C6orf52: variants seen among roughly 807,000 people sequenced by gnomAD.
C6orf52 encodes the protein putative uncharacterized protein C6orf52.
C6orf52 carries 16 observed loss-of-function variants against 16.6 expected under a neutral mutation model. That is an observed-to-expected ratio of 0.96 (90% CI 0.65 to 1.46). The LOEUF (loss-of-function observed/expected upper bound fraction) is 1.46, where lower values mean the gene tolerates loss of function less well. Among genes scored for constraint, C6orf52 ranks in the 40% most tolerant of loss-of-function variants. C6orf52 has a pLI of 0.00. For missense variants in C6orf52, 166 were observed against 182.3 expected, an observed-to-expected ratio of 0.91 and a Z score of 0.52; for synonymous variants, 53 against 61.4, an observed-to-expected ratio of 0.86 and a Z score of 0.64.
intron 3 of C6orf52, among the ~76,000 whole-genome samples, chr6:10,684,220 AC>A (rs1340211032): frequency 3.3e-5 from 5 of 152,192 alleles, no homozygotes; most frequent in Non-Finnish European, 1.5e-5. Flanking sequence ...GAGCAGGAGG[AC>A]CACTTGAACC....
intron 4 of C6orf52, chr6:10,674,810 AT>A (rs1187713282): frequency 0.066 from 9,130 of 138,870 alleles, 474 homozygotes; most frequent in African/African-American, 0.16. Flanking sequence ...TATACAATAC[AT>A]TTTTTTTTTT....
At chr6:10,687,217 A>C in intron 2 of C6orf52, 53 bp from the exon 3 acceptor site, 2 of 1,305,310 alleles carry the variant, frequency 1.5e-6, no homozygotes, top group Non-Finnish European at 2.1e-6. Flanking sequence ...CAAACCCCCA[A>C]ACCCTTTCTT....
At chr6:10,680,510 C>CA (rs1307202624) in intron 4 of C6orf52, among the ~76,000 whole-genome samples, 1 of 152,100 alleles carries the variant, frequency 6.6e-6, no homozygotes, top group Non-Finnish European at 1.5e-5. Context: ...GTTGTGATAT[C>CA]AGAGTAATGC....
intron 1 of C6orf52, among the ~76,000 whole-genome samples, chr6:10,690,461 AAC>A (rs1358594595): frequency 1.3e-5 from 2 of 152,204 alleles, no homozygotes; most frequent in South Asian, 2.1e-4. Context: ...CCTTGAATTT[AAC>A]AGAGTTGCTG....
intron 1 of C6orf52, among the ~76,000 whole-genome samples, chr6:10,690,481 C>T (rs1400981389): frequency 6.6e-6 from 1 of 152,146 alleles, no homozygotes; most frequent in Non-Finnish European, 1.5e-5. Flanking sequence ...CTGCCTGTCA[C>T]ATTGAGAAAG....
At chr6:10,691,303 A>C (rs1769278496) in intron 1 of C6orf52, among the ~76,000 whole-genome samples, 1 of 152,168 alleles carries the variant, frequency 6.6e-6, no homozygotes, top group South Asian at 2.1e-4. Context: ...CACGTCTCCA[A>C]CAACCAAGCT....
chr6:10,691,625 G>A (rs1027498066), intron 1 of C6orf52, among the ~76,000 whole-genome samples: 2 of 151,916 alleles, frequency 1.3e-5, no homozygotes, highest in African/African-American at 2.4e-5. Flanking sequence ...GCAGAAATTG[G>A]GCATAAGACA....
intron 4 of C6orf52, among the ~76,000 whole-genome samples, chr6:10,680,978 T>G (rs1768333324): frequency 6.6e-6 from 1 of 152,128 alleles, no homozygotes; most frequent in Admixed American, 6.5e-5. Flanking sequence ...TTTTTTAAAT[T>G]TTTTGTAGAG....
intron 1 of C6orf52, among the ~76,000 whole-genome samples, chr6:10,688,978 A>C (rs1424356889): frequency 6.6e-6 from 1 of 151,438 alleles, no homozygotes; most frequent in East Asian, 1.9e-4. Context: ...CGCCTGGCTA[A>C]TGTTTGTATT....
intron 1 of C6orf52, among the ~76,000 whole-genome samples, chr6:10,688,199 GT>G (rs776752770): frequency 0.021 from 3,015 of 145,442 alleles, 110 homozygotes; most frequent in African/African-American, 0.078. Context: ...CTCTGGTTCA[GT>G]TTTTTTTTTT....
chr6:10,692,704 G>A (rs1769444501), intron 1 of C6orf52, among the ~76,000 whole-genome samples: 1 of 152,078 alleles, frequency 6.6e-6, no homozygotes, highest in Non-Finnish European at 1.5e-5. Context: ...AGGCATGCGT[G>A]AGCCACTGCG....
At chr6:10,676,749 C>T (rs948880408) in intron 4 of C6orf52, among the ~76,000 whole-genome samples, 6 of 152,200 alleles carry the variant, frequency 3.9e-5, no homozygotes, top group African/African-American at 1.4e-4. Context: ...CTGCTACAGG[C>T]CTACTTTTCC....
At chr6:10,684,911 G>A (rs1768730239) in intron 3 of C6orf52, 3 of 1,285,844 alleles carry the variant, frequency 2.3e-6, no homozygotes, top group Non-Finnish European at 3.0e-6. Context: ...CAGGCAGATG[G>A]CACAGGGGGT....
At chr6:10,692,288 C>T (rs7744606) in intron 1 of C6orf52, among the ~76,000 whole-genome samples, 14,588 of 152,166 alleles carry the variant, frequency 0.096, 2,110 homozygotes, top group African/African-American at 0.31. Context: ...CTTACTAATA[C>T]CTTGTCTCAC....
At chr6:10,680,289 TTC>T (rs1285551395) in intron 4 of C6orf52, among the ~76,000 whole-genome samples, 2 of 151,896 alleles carry the variant, frequency 1.3e-5, no homozygotes, top group Non-Finnish European at 2.9e-5. Flanking sequence ...TTGTCCTTCA[TTC>T]TGTTGATGGG....
intron 4 of C6orf52, among the ~76,000 whole-genome samples, chr6:10,675,278 A>T (rs959749547): frequency 3.3e-5 from 5 of 152,328 alleles, no homozygotes; most frequent in Middle Eastern, 3.4e-3. Flanking sequence ...GTGAAATCAT[A>T]TGGCATTTGT....
intron 4 of C6orf52, 30 bp from the exon 5 acceptor site, chr6:10,671,628 A>C: frequency 5.4e-6 from 8 of 1,477,384 alleles, no homozygotes; most frequent in Non-Finnish European, 7.3e-6. Context: ...ATATGAAAAA[A>C]ATAGAGTTTT....
chr6:10,674,307 G>T (rs1324532485), intron 4 of C6orf52, among the ~76,000 whole-genome samples: 1 of 152,116 alleles, frequency 6.6e-6, no homozygotes, highest in Non-Finnish European at 1.5e-5. Context: ...ATTTGGCGAG[G>T]GGGAGGAACA....
At position 10,683,143 on chromosome 6, in the gene C6orf52, A is replaced by G. The variant is rs778122522; in HGVS notation, c.316+44T>C. ...AGCTGAGTGAATGAGAAACCAGGAA[A>G]TGGGGTTTTGTTTCCAACCACTTCA... is the stretch of plus-strand genomic sequence containing the variant. On this transcript the variant is annotated intron_variant, in intron 4 of 4. Transcript: ENST00000259983. 97 of 1,324,076 alleles carry G rather than the reference A, an allele frequency of 7.3e-5. 1 individual carries two copies. The Middle Eastern group carries it at 2.6e-3, about 35-fold the overall frequency. 82.0% of individuals were successfully genotyped at this position (1,324,076 alleles called of 1,614,324 possible). A position where few individuals can be genotyped will look rare whatever the true frequency, so the allele number is the denominator to read the frequency against.
Sources: gnomAD v4.1 joint callset for allele counts (sites outside exome capture counted in the v4.1 genomes callset) on GRCh38, gnomAD v4.1.1 for gene constraint, MANE v1.5 for transcripts, NCBI Gene and HGNC (gene_info 2026-07-23, HGNC 2026-07-21) for gene names.